PLPP1: variants seen among roughly 807,000 people sequenced by gnomAD.
PLPP1 encodes the protein phospholipid phosphatase 1, also known as lipid phosphate phosphohydrolase 1a.
A neutral mutation model predicts 31.2 loss-of-function variants in PLPP1; 24 were observed. The observed-to-expected ratio is 0.77, with a 90% CI of 0.56 to 1.08. PLPP1 has a LOEUF of 1.08. Ranked by LOEUF, PLPP1 falls within the 50% of genes least tolerant of loss-of-function variation. PLPP1 has a pLI of 0.00. For synonymous variants in PLPP1, 146 were observed against 126.3 expected (o/e 1.16, Z -1.05); for missense variants, 319 against 342.7 (o/e 0.93, Z 0.55).
chr5:55,529,159 G>A (rs1740569856), intron 1 of PLPP1, among the ~76,000 whole-genome samples: 1 of 151,312 alleles, frequency 6.6e-6, no homozygotes, highest in South Asian at 2.1e-4. Context: ...TAACAAATCA[G>A]ATAAACACTT....
At chr5:55,458,214 T>C (rs892704477) in intron 3 of PLPP1, among the ~76,000 whole-genome samples, 3 of 152,204 alleles carry the variant, frequency 2.0e-5, no homozygotes, top group African/African-American at 7.2e-5. Context: ...TCCATGCCTA[T>C]GTTACAAGAA....
At chr5:55,476,681 A>G (rs1752557480) in intron 1 of PLPP1, among the ~76,000 whole-genome samples, 1 of 152,170 alleles carries the variant, frequency 6.6e-6, no homozygotes, top group Non-Finnish European at 1.5e-5. Flanking sequence ...CTCACTGTAA[A>G]AGTGTTGCTT....
intron 1 of PLPP1, among the ~76,000 whole-genome samples, chr5:55,510,954 T>G (rs1753391687): frequency 6.6e-6 from 1 of 152,226 alleles, no homozygotes. Flanking sequence ...AAATGCTTAC[T>G]CCCTGATCTT....
chr5:55,530,809 G>T, intron 1 of PLPP1: 1 of 1,395,170 alleles, frequency 7.2e-7, no homozygotes, highest in Non-Finnish European at 1.0e-6. Context: ...GGTCCGCACG[G>T]GCGTTTTGAG....
intron 2 of PLPP1, among the ~76,000 whole-genome samples, chr5:55,469,783 C>A (rs1469421167): frequency 6.6e-6 from 1 of 152,160 alleles, no homozygotes; most frequent in South Asian, 2.1e-4. Flanking sequence ...CCTTTCCTTA[C>A]CTGGCTCAAT....
intron 1 of PLPP1, among the ~76,000 whole-genome samples, chr5:55,478,815 A>C (rs1375635900): frequency 6.6e-6 from 1 of 152,134 alleles, no homozygotes; most frequent in Non-Finnish European, 1.5e-5. Flanking sequence ...AGTCTTAGTA[A>C]AAGAGGTTTT....
At chr5:55,465,113 T>G (rs1407703883) in intron 3 of PLPP1, among the ~76,000 whole-genome samples, 1 of 151,410 alleles carries the variant, frequency 6.6e-6, no homozygotes, top group Non-Finnish European at 1.5e-5. Flanking sequence ...GCGCAATCTC[T>G]GCTCACTGCA....
intron 3 of PLPP1, among the ~76,000 whole-genome samples, chr5:55,461,070 C>T (rs1752144607): frequency 6.6e-6 from 1 of 152,018 alleles, no homozygotes; most frequent in Admixed American, 6.6e-5. Flanking sequence ...GTGGCGCACA[C>T]CTGTAGTCTC....
intron 1 of PLPP1, among the ~76,000 whole-genome samples, chr5:55,514,050 G>T (rs1753501206): frequency 6.6e-6 from 1 of 151,950 alleles, no homozygotes; most frequent in African/African-American, 2.4e-5. Context: ...CAAAATATGT[G>T]TAGAAAAAAA....
intron 1 of PLPP1, chr5:55,491,238 T>TTA (rs1752882132): frequency 1.0e-6 from 1 of 972,560 alleles, no homozygotes; most frequent in Non-Finnish European, 1.5e-6. Context: ...TGGATCTCCA[T>TTA]TATACCCAAG....
At chr5:55,427,956 T>G (rs192754516) in intron 4 of PLPP1, among the ~76,000 whole-genome samples, 311 of 152,186 alleles carry the variant, frequency 2.0e-3, no homozygotes, top group Non-Finnish European at 3.1e-3. Context: ...CAGGTAATTG[T>G]CTGTATTTTT....
chr5:55,501,747 AC>A (rs1339963092), intron 1 of PLPP1, among the ~76,000 whole-genome samples: 2 of 151,508 alleles, frequency 1.3e-5, no homozygotes, highest in African/African-American at 2.4e-5. Context: ...CAGGTGATCC[AC>A]CCCCCTCAGC....
chr5:55,501,330 CAAAT>C (rs1753140421), intron 1 of PLPP1, among the ~76,000 whole-genome samples: 1 of 151,794 alleles, frequency 6.6e-6, no homozygotes, highest in Admixed American at 6.6e-5. Context: ...AACAAACAAA[CAAAT>C]AAACAAAAAA....
intron 1 of PLPP1, among the ~76,000 whole-genome samples, chr5:55,511,811 C>T (rs1158976443): frequency 1.3e-5 from 2 of 150,808 alleles, no homozygotes; most frequent in Admixed American, 1.3e-4. Flanking sequence ...CTGCAGGCGC[C>T]GGCTACCACG....
chr5:55,507,562 C>A (rs557738015), intron 1 of PLPP1, among the ~76,000 whole-genome samples: 2 of 152,310 alleles, frequency 1.3e-5, no homozygotes, highest in Admixed American at 1.3e-4. Context: ...TTAACCCCCA[C>A]CTTATGCCAC....
At chr5:55,513,117 T>G (rs1281580353) in intron 1 of PLPP1, among the ~76,000 whole-genome samples, 1 of 152,158 alleles carries the variant, frequency 6.6e-6, no homozygotes, top group Non-Finnish European at 1.5e-5. Context: ...ATTTCTAGTC[T>G]TAGCAATTCT....
In PLPP1 at chr5:55,534,886, A is replaced by G; in HGVS notation, c.-257T>C. 1 of 489,668 alleles carries G rather than the reference A, an allele frequency of 2.0e-6. No homozygotes were observed. Among genetic ancestry groups the G allele is most frequent in the South Asian group, 2.7e-5 (1 of 36,628 alleles). The allele number at this position is 489,668 out of a possible 1,614,324, so 30.3% of individuals were successfully genotyped here. A position where few individuals can be genotyped will look rare whatever the true frequency, so the allele number is the denominator to read the frequency against. On this transcript the variant is annotated 5_prime_UTR_variant, in exon 1 of 6. Coordinates refer to ENST00000307259, the MANE Select transcript of PLPP1 (RefSeq NM_003711.4). The stretch of plus-strand genomic sequence containing the variant: ...GAGGCGCTCGTGTGCCAGCCGCGGC[A>G]GCTCTGTAGCCTCAGGACCTCCTCA...
At chr5:55,508,522 C>T (rs549876296) in intron 1 of PLPP1, among the ~76,000 whole-genome samples, 1 of 152,278 alleles carries the variant, frequency 6.6e-6, no homozygotes, top group Admixed American at 6.5e-5. Flanking sequence ...GAACAGTCAT[C>T]CTGCAAAACA....
chr5:55,534,727 C>T lies in PLPP1; in HGVS notation c.-98G>A, dbSNP rs1740824718. 7.8e-7 allele frequency: 1 copy of T among 1,274,732 alleles called. No individual in the cohort carries two copies. Among genetic ancestry groups the T allele is most frequent in the Non-Finnish European group, 1.1e-6 (1 of 939,466 alleles). The allele number at this position is 1,274,732 out of a possible 1,614,324, so 79.0% of individuals were successfully genotyped here. ...GAGCCCGGGCCGGGGCTGGCGACGG[C>T]CCCGAGCTACGGCCCCTCCCAGCCG... is the stretch of plus-strand genomic sequence containing the variant. On this transcript the variant is annotated 5_prime_UTR_variant, in exon 1 of 6. Transcript: ENST00000307259.
Sources: allele counts gnomAD v4.1 joint callset (sites outside exome capture counted in the v4.1 genomes callset), GRCh38; gene constraint gnomAD v4.1.1; transcripts MANE v1.5; gene names NCBI Gene and HGNC (gene_info 2026-07-23, HGNC 2026-07-21).